Variants in FAT3 observed in about 807,000 individuals in gnomAD.
FAT3 encodes protocadherin Fat 3.
Under a neutral mutation model 310.2 loss-of-function variants are expected in FAT3, and 95 were observed. The observed-to-expected ratio is 0.31, with a 90% CI of 0.26 to 0.36. FAT3 has a LOEUF of 0.36. Ranked by LOEUF, FAT3 falls within the 10% of genes least tolerant of loss-of-function variation. The pLI is 1.00. For missense variants in FAT3, 5,408 were observed against 5,715.6 expected (o/e 0.95, Z 1.74); for synonymous variants, 2,314 against 2,192.9 (o/e 1.06, Z -1.54).
intron 2 of FAT3, among the ~76,000 whole-genome samples, chr11:92,514,115 G>A (rs1953397922): frequency 6.6e-6 from 1 of 152,018 alleles, no homozygotes; most frequent in Non-Finnish European, 1.5e-5. Flanking sequence ...ATACTTGTTT[G>A]TGAATAAAAA....
chr11:92,866,597 C>G (rs1949252653), intron 21 of FAT3, 144 bp from the exon 22 acceptor site: 1 of 721,264 alleles, frequency 1.4e-6, no homozygotes, highest in South Asian at 2.0e-5. Flanking sequence ...AAAAATCAAA[C>G]CACAACAGAT....
rs181241571 is a variant in FAT3, at chr11:92,871,946, C to T, written c.12127+4737C>T. 4.6e-5 allele frequency among the ~76,000 whole-genome samples: 7 copies of T among 151,900 alleles called. No individual in the cohort carries two copies. In the East Asian group the frequency reaches 9.7e-4, roughly 21 times the overall value. On this transcript the variant is annotated intron_variant, in intron 22 of 27. Transcript: ENST00000525166. ...CATAGGACATTCAGGAATTGAGAGT[C>T]GGATGCGCAGCCTGCACTTAAAAAA...
intron 2 of FAT3, among the ~76,000 whole-genome samples, chr11:92,476,076 T>C (rs139223100): frequency 6.6e-6 from 1 of 152,006 alleles, no homozygotes; most frequent in African/African-American, 2.4e-5. Flanking sequence ...AGTGTGTGTG[T>C]GTGTGCGTGT....
chr11:92,763,498 A>G (rs1398853369), intron 5 of FAT3, among the ~76,000 whole-genome samples: 1 of 152,126 alleles, frequency 6.6e-6, no homozygotes, highest in Non-Finnish European at 1.5e-5. Flanking sequence ...TCAGACTGCA[A>G]GTATTGGCTG....
intron 1 of FAT3, among the ~76,000 whole-genome samples, chr11:92,309,286 C>G (rs978519948): frequency 6.7e-6 from 1 of 149,950 alleles, no homozygotes; most frequent in Non-Finnish European, 1.5e-5. Flanking sequence ...CTAGAGCTCT[C>G]CCCCCAGCCC....
intron 3 of FAT3, among the ~76,000 whole-genome samples, chr11:92,632,797 C>A (rs1941602368): frequency 6.6e-6 from 1 of 152,162 alleles, no homozygotes; most frequent in South Asian, 2.1e-4. Context: ...CCAGATGTCA[C>A]CTGAGATGTA....
chr11:92,487,303 A>G (rs144798111), intron 2 of FAT3, among the ~76,000 whole-genome samples: 277 of 152,294 alleles, frequency 1.8e-3, no homozygotes, highest in African/African-American at 6.3e-3. Context: ...CAGCACAGGA[A>G]ATAAAACATT....
At chr11:92,570,467 C>T (rs943193968) in intron 3 of FAT3, among the ~76,000 whole-genome samples, 1 of 152,160 alleles carries the variant, frequency 6.6e-6, no homozygotes, top group Non-Finnish European at 1.5e-5. Context: ...AATTTGAGAA[C>T]ATATGCACAA....
At chr11:92,265,037 A>C in intron 1 of FAT3, among the ~76,000 whole-genome samples, 1 of 152,156 alleles carries the variant, frequency 6.6e-6, no homozygotes, top group African/African-American at 2.4e-5. Context: ...AGGTTGAAAA[A>C]AAAACCAAAA....
At chr11:92,504,701 A>G (rs765400176) in intron 2 of FAT3, among the ~76,000 whole-genome samples, 71 of 152,118 alleles carry the variant, frequency 4.7e-4, no homozygotes, top group Non-Finnish European at 7.2e-4. Flanking sequence ...TTTCTCTGGC[A>G]GGACGTTCTT....
At chr11:92,670,894 A>AT (rs1943107433) in intron 3 of FAT3, among the ~76,000 whole-genome samples, 1 of 152,164 alleles carries the variant, frequency 6.6e-6, no homozygotes, top group African/African-American at 2.4e-5. Flanking sequence ...ACAATCAGTC[A>AT]TGTCACTCCT....
At chr11:92,610,410 T>A (rs914897373) in intron 3 of FAT3, among the ~76,000 whole-genome samples, 1 of 152,230 alleles carries the variant, frequency 6.6e-6, no homozygotes, top group Non-Finnish European at 1.5e-5. Flanking sequence ...AATGTTTATT[T>A]ATGTTGTAAT....
chr11:92,798,627 G>GA lies in FAT3; in HGVS notation c.5615dup (p.Val1873GlyfsTer6). The GA allele has an allele frequency of 6.2e-7, 1 of 1,613,818 alleles. No individual in the cohort carries two copies. The highest frequency in any genetic ancestry group is 8.5e-7 in the Non-Finnish European group (1 of 1,179,836). ...AGAGAGTCCCGTTGAAGTCAACATT[G>GA]AGGTGACAGATGTGAATGATAACCC... On this transcript the variant is annotated frameshift_variant, in exon 10 of 28. Transcript: ENST00000525166. LOFTEE classifies it high-confidence loss of function.
intron 4 of FAT3, among the ~76,000 whole-genome samples, chr11:92,743,278 A>C (rs542288036): frequency 6.6e-6 from 1 of 152,274 alleles, no homozygotes; most frequent in South Asian, 2.1e-4. Flanking sequence ...CCATGACACC[A>C]TTTATGAAAT....
intron 12 of FAT3, 142 bp from the exon 13 acceptor site, chr11:92,809,701 A>G (rs1947614366): frequency 3.1e-6 from 2 of 639,172 alleles, no homozygotes; most frequent in African/African-American, 3.7e-5. Flanking sequence ...AATTTGCTAC[A>G]TTTTTAAAGT....
chr11:92,855,054 C>G (rs1948934600), intron 19 of FAT3, among the ~76,000 whole-genome samples: 1 of 152,180 alleles, frequency 6.6e-6, no homozygotes, highest in African/African-American at 2.4e-5. Flanking sequence ...TGTACATTGC[C>G]ACCTCCATGT....
intron 4 of FAT3, among the ~76,000 whole-genome samples, chr11:92,700,325 GA>G (rs1167883496): frequency 6.6e-6 from 1 of 152,110 alleles, no homozygotes; most frequent in Non-Finnish European, 1.5e-5. Context: ...AAACAGAGGG[GA>G]CTATGGTAAG....
chr11:92,411,812 C>T (rs941528610), intron 2 of FAT3, among the ~76,000 whole-genome samples: 2 of 151,872 alleles, frequency 1.3e-5, no homozygotes, highest in Non-Finnish European at 2.9e-5. Flanking sequence ...TTTGCATTCT[C>T]GGTGGAATTG....
At chr11:92,433,416 C>T (rs1941426) in intron 2 of FAT3, among the ~76,000 whole-genome samples, 11,793 of 152,228 alleles carry the variant, frequency 0.077, 652 homozygotes, top group African/African-American at 0.15. Flanking sequence ...GTGGGCAAAG[C>T]GTAGTATCTA....
Sources: gnomAD v4.1 joint callset for allele counts (sites outside exome capture counted in the v4.1 genomes callset) on GRCh38, gnomAD v4.1.1 for gene constraint, MANE v1.5 for transcripts, NCBI Gene and HGNC (gene_info 2026-07-23, HGNC 2026-07-21) for gene names.